CEP112: variants seen among roughly 807,000 people sequenced by gnomAD.
CEP112 encodes the protein centrosomal protein of 112 kDa.
CEP112 carries 127 observed loss-of-function variants against 153.0 expected under a neutral mutation model. That is an observed-to-expected ratio of 0.83 (90% CI 0.72 to 0.96). CEP112 has a LOEUF of 0.96. Among genes scored for constraint, CEP112 ranks in the 40% least tolerant of loss-of-function variants. CEP112 has a pLI of 0.00. For synonymous variants in CEP112, 358 were observed against 374.4 expected (o/e 0.96, Z 0.51); for missense variants, 1,089 against 1,101.2 (o/e 0.99, Z 0.16).
At chr17:65,661,521 G>C (rs565147910) in intron 24 of CEP112, among the ~76,000 whole-genome samples, 1 of 152,264 alleles carries the variant, frequency 6.6e-6, no homozygotes, top group Non-Finnish European at 1.5e-5. Flanking sequence ...CCTTACCCGA[G>C]AGCCTCCGCT....
At chr17:66,174,589 C>G (rs1211898291) in intron 4 of CEP112, among the ~76,000 whole-genome samples, 6 of 152,050 alleles carry the variant, frequency 3.9e-5, no homozygotes, top group Non-Finnish European at 8.8e-5. Flanking sequence ...ACAATAATGG[C>G]CTTTTTGAAC....
At chr17:65,672,384 A>G (rs535859292) in intron 24 of CEP112, among the ~76,000 whole-genome samples, 31 of 152,362 alleles carry the variant, frequency 2.0e-4, no homozygotes, top group Admixed American at 2.0e-3. Flanking sequence ...GTGGGATTAA[A>G]AAAAAATGAA....
chr17:65,782,844 G>A (rs1253471951), intron 21 of CEP112, among the ~76,000 whole-genome samples: 3 of 151,870 alleles, frequency 2.0e-5, no homozygotes, highest in Non-Finnish European at 2.9e-5. Context: ...GTAGGGGTGG[G>A]AAAACTAACT....
chr17:65,951,537 TC>T (rs1290098045), intron 18 of CEP112, among the ~76,000 whole-genome samples: 1 of 152,128 alleles, frequency 6.6e-6, no homozygotes, highest in Non-Finnish European at 1.5e-5. Flanking sequence ...CACTTTATAA[TC>T]CTTTCATTTT....
chr17:65,964,680 GGAAAGGGTGCTGTGGTTGAT>G (rs1302780007), intron 17 of CEP112, among the ~76,000 whole-genome samples: 1 of 138,222 alleles, frequency 7.2e-6, no homozygotes, highest in Non-Finnish European at 1.6e-5. Flanking sequence ...AAGCTCAGAG[GGAAAGGGTGCTGTGGTTGAT>G]GAAAGGGTGC....
intron 21 of CEP112, among the ~76,000 whole-genome samples, chr17:65,761,822 T>G (rs2052630533): frequency 6.6e-6 from 1 of 152,094 alleles, no homozygotes; most frequent in Non-Finnish European, 1.5e-5. Context: ...GTAGTCTATC[T>G]AGGGGAATGG....
chr17:65,763,044 C>G (rs1361095419), intron 21 of CEP112, among the ~76,000 whole-genome samples: 1 of 151,878 alleles, frequency 6.6e-6, no homozygotes, highest in Non-Finnish European at 1.5e-5. Context: ...AGTATTTCTC[C>G]TCCATTTTTG....
At chr17:65,729,344 T>A (rs1365288698) in intron 23 of CEP112, among the ~76,000 whole-genome samples, 1 of 152,190 alleles carries the variant, frequency 6.6e-6, no homozygotes, top group Non-Finnish European at 1.5e-5. Flanking sequence ...TATGTTGTTA[T>A]GTGACATATG....
intron 21 of CEP112, among the ~76,000 whole-genome samples, chr17:65,785,370 T>C (rs892612707): frequency 6.6e-6 from 1 of 152,236 alleles, no homozygotes; most frequent in African/African-American, 2.4e-5. Flanking sequence ...TAACTATGTT[T>C]AGCTTTTTGA....
At chr17:65,941,012 T>C (rs1262933062) in intron 18 of CEP112, among the ~76,000 whole-genome samples, 2 of 152,120 alleles carry the variant, frequency 1.3e-5, no homozygotes, top group African/African-American at 4.8e-5. Context: ...CATAAATATA[T>C]ACAATTATGA....
At chr17:65,969,188 T>A (rs2062534572) in intron 17 of CEP112, among the ~76,000 whole-genome samples, 1 of 151,826 alleles carries the variant, frequency 6.6e-6, no homozygotes, top group Non-Finnish European at 1.5e-5. Context: ...TTCAAGTGAT[T>A]CTCTTGCCTC....
chr17:66,183,563 A>AT, intron 1 of CEP112, among the ~76,000 whole-genome samples: 1 of 152,198 alleles, frequency 6.6e-6, no homozygotes, highest in Non-Finnish European at 1.5e-5. Flanking sequence ...GAGAACTCAC[A>AT]TTACCAGATT....
At chr17:66,080,522 G>A (rs1268640901) in intron 8 of CEP112, among the ~76,000 whole-genome samples, 1 of 152,212 alleles carries the variant, frequency 6.6e-6, no homozygotes, top group Non-Finnish European at 1.5e-5. Flanking sequence ...AACAGATGCT[G>A]GGAGGATGTG....
intron 18 of CEP112, among the ~76,000 whole-genome samples, chr17:65,931,650 T>A (rs1347873496): frequency 2.0e-5 from 3 of 152,196 alleles, no homozygotes; most frequent in Non-Finnish European, 4.4e-5. Context: ...ACAAATAGCA[T>A]CACTGAGCAG....
intron 21 of CEP112, among the ~76,000 whole-genome samples, chr17:65,758,565 T>C (rs1029233918): frequency 6.6e-6 from 1 of 152,206 alleles, no homozygotes; most frequent in African/African-American, 2.4e-5. Flanking sequence ...CATTCATGAT[T>C]TCCAGGAAAG....
chr17:65,901,834 GAGGGGTA>G (rs1472242510), intron 20 of CEP112, among the ~76,000 whole-genome samples: 1 of 151,796 alleles, frequency 6.6e-6, no homozygotes, highest in Non-Finnish European at 1.5e-5. Context: ...AGGCTGAAGG[GAGGGGTA>G]AGGGGCAGAT....
At chr17:65,701,378 T>G (rs2048624069) in intron 23 of CEP112, among the ~76,000 whole-genome samples, 1 of 152,192 alleles carries the variant, frequency 6.6e-6, no homozygotes. Flanking sequence ...AGAATAAGTT[T>G]CTGCATGACA....
intron 6 of CEP112, among the ~76,000 whole-genome samples, chr17:66,121,561 C>A (rs1403876197): frequency 2.0e-5 from 3 of 152,166 alleles, no homozygotes; most frequent in Non-Finnish European, 4.4e-5. Flanking sequence ...TCACTCTCTT[C>A]TTTGGCCTGC....
intron 16 of CEP112, among the ~76,000 whole-genome samples, chr17:66,013,121 ATTATT>A (rs66538940): frequency 0.41 from 62,015 of 151,468 alleles, 14,084 homozygotes; most frequent in East Asian, 0.87. Flanking sequence ...CATATCCTAT[ATTATT>A]TTATTTTATT....
Sources: allele counts gnomAD v4.1 joint callset (sites outside exome capture counted in the v4.1 genomes callset), GRCh38; gene constraint gnomAD v4.1.1; transcripts MANE v1.5; gene names NCBI Gene and HGNC (gene_info 2026-07-23, HGNC 2026-07-21).